LHX1: variants seen among roughly 807,000 people sequenced by gnomAD.
LHX1 encodes the protein LIM/homeobox protein Lhx1.
A neutral mutation model predicts 34.1 loss-of-function variants in LHX1; 9 were observed. The observed-to-expected ratio is 0.26, with a 90% CI of 0.16 to 0.46. The LOEUF (loss-of-function observed/expected upper bound fraction) is 0.46. Among genes scored for constraint, LHX1 ranks in the 20% least tolerant of loss-of-function variants. The pLI is 1.00. For synonymous variants in LHX1, 254 were observed against 241.5 expected (o/e 1.05, Z -0.48); for missense variants, 446 against 559.1 (o/e 0.80, Z 2.04).
chr17:36,938,489 C>T (rs1197458495), intron 1 of LHX1, 122 bp downstream of exon 1: 1 of 1,027,780 alleles, frequency 9.7e-7, no homozygotes, highest in Non-Finnish European at 1.5e-6. Flanking sequence ...AGAGGGCAGC[C>T]AAGTCCCGCG....
rs1468452334 is a variant in LHX1 at position 36,937,494 on chromosome 17, C to A, written c.-704C>A. The A allele has an allele frequency of 6.2e-6, 2 of 322,182 alleles. No individual in the cohort carries two copies. Among genetic ancestry groups the A allele is most frequent in the Non-Finnish European group, 1.2e-5 (2 of 164,372 alleles). 20.0% of individuals were successfully genotyped at this position (322,182 alleles called of 1,614,324 possible). A position where few individuals can be genotyped will look rare whatever the true frequency, so the allele number is the denominator to read the frequency against. On this transcript the variant is annotated 5_prime_UTR_variant, in exon 1 of 5. Coordinates refer to ENST00000614239, the MANE Select transcript of LHX1 (RefSeq NM_005568.5). Reference sequence around the variant, plus strand: ...TCAACACCAAGATCTTCCTCCTACCCTCCCCTCTTTCCCTTCTCCCGCGGT... The same window carrying A: ...TCAACACCAAGATCTTCCTCCTACCATCCCCTCTTTCCCTTCTCCCGCGGT...
At position 36,942,972 on chromosome 17, in the gene LHX1, G is replaced by C. The variant is rs1417421544; in HGVS notation, c.1062G>C (p.Ser354=). Residue 354 remains serine (S), a synonymous_variant, in exon 5 of 5, where the codon TCG becomes TCC. Coordinates refer to ENST00000614239, the MANE Select transcript of LHX1 (RefSeq NM_005568.5). ...TDILAHPPGD[S]PSPEPSLPGP... ...TCCTGGCGCACCCACCCGGGGACTCGCCCAGCCCCGAGCCCAGCCTGCCCG... is the reference window on the plus strand; with the variant it reads ...TCCTGGCGCACCCACCCGGGGACTCCCCCAGCCCCGAGCCCAGCCTGCCCG... The C allele has an allele frequency of 2.5e-6, 4 of 1,610,698 alleles. No homozygotes were observed. In the East Asian group the frequency reaches 8.9e-5, roughly 36 times the overall value.
intron 1 of LHX1, among the ~76,000 whole-genome samples, chr17:36,939,046 C>T (rs369259455): frequency 9.9e-5 from 15 of 152,220 alleles, no homozygotes; most frequent in African/African-American, 2.9e-4. Flanking sequence ...CCCCAGGTGA[C>T]TCCGACTCCC....
intron 3 of LHX1, chr17:36,941,104 G>A (rs1241331663): frequency 2.5e-6 from 2 of 784,664 alleles, no homozygotes; most frequent in African/African-American, 1.7e-5. Flanking sequence ...GGTGATCGTG[G>A]CAGTGGAGGG....
rs751113391 is a variant in LHX1 at position 36,942,261 on chromosome 17, C to G, written c.737C>G (p.Ala246Gly). ...RRMKQLSALGARRHAFFRSPR... is the reference protein window; with the variant it reads ...RRMKQLSALGGRRHAFFRSPR... Reference sequence around the variant, plus strand: ...ATGAAGCAGCTGAGCGCCCTGGGCGCCCGGCGCCACGCCTTCTTCCGCAGT... The same window carrying G: ...ATGAAGCAGCTGAGCGCCCTGGGCGGCCGGCGCCACGCCTTCTTCCGCAGT... The change falls in exon 4 of 5, where the codon GCC becomes GGC. Residue 246 changes from alanine to glycine, a missense_variant. Around this residue, in one of 3 missense-constraint regions of LHX1, gnomAD observed 43 missense variants for 108.0 expected, o/e 0.40. Transcript: ENST00000614239. The G allele has an allele frequency of 6.3e-7, 1 of 1,599,862 alleles. No individual in the cohort carries two copies. Among genetic ancestry groups the G allele is most frequent in the Non-Finnish European group, 8.5e-7 (1 of 1,175,202 alleles).
chr17:36,942,981 C>G lies in LHX1; in HGVS notation c.1071C>G (p.Pro357=), dbSNP rs770488670. 6.2e-7 allele frequency: 1 copy of G among 1,611,208 alleles called. No individual in the cohort carries two copies. The highest frequency in any genetic ancestry group is 1.1e-5 in the South Asian group (1 of 90,878). Residue 357 remains proline (P), a synonymous_variant, in exon 5 of 5, where the codon CCC becomes CCG. Coordinates refer to ENST00000614239, the MANE Select transcript of LHX1 (RefSeq NM_005568.5). ...ACCCACCCGGGGACTCGCCCAGCCC[C>G]GAGCCCAGCCTGCCCGGGCCTCTGC... ...LAHPPGDSPS[P]EPSLPGPLHS...
At chr17:36,941,207 C>A in intron 3 of LHX1, 1 of 633,280 alleles carries the variant, frequency 1.6e-6, no homozygotes, top group Non-Finnish European at 2.9e-6. Flanking sequence ...ATACCCCACC[C>A]CACCTCGGGT....
chr17:36,940,254 TCCCCGC>T (rs770207128), intron 1 of LHX1, 30 bp from the exon 2 acceptor site: 2 of 560,758 alleles, frequency 3.6e-6, no homozygotes, highest in Admixed American at 2.6e-5. Flanking sequence ...GGCTGACCCA[TCCCCGC>T]CCCCGCCCCC....
At position 36,943,683 on chromosome 17, in the gene LHX1, G is replaced by T. The variant is rs76334395; in HGVS notation, c.*552G>T. ...ATAGCTTCAGAAACGCCGACCTGCC[G>T]TGCATCAGGTGGGACTATATATATA... On this transcript the variant is annotated 3_prime_UTR_variant, in exon 5 of 5. Coordinates refer to ENST00000614239, the MANE Select transcript of LHX1 (RefSeq NM_005568.5). 1 of 152,312 alleles carries T rather than the reference G, an allele frequency of 6.6e-6. No homozygotes were observed. The highest frequency in any genetic ancestry group is 6.5e-5 in the Admixed American group (1 of 15,282). 9.4% of individuals were successfully genotyped at this position (152,312 alleles called of 1,614,324 possible).
chr17:36,941,393 G>T (rs894641331), intron 3 of LHX1: 4 of 340,074 alleles, frequency 1.2e-5, no homozygotes, highest in Non-Finnish European at 1.7e-5. Context: ...CCGGGAGTCA[G>T]CTCTGCTTCC....
At chr17:36,937,447 G>A (rs1460828734), upstream of LHX1, 2 of 320,066 alleles carry the variant, frequency 6.2e-6, no homozygotes, top group African/African-American at 4.5e-5. Flanking sequence ...CAAAAGCGGG[G>A]AAACCTAAGC....
In LHX1 at chr17:36,942,808, C is replaced by A. The variant is rs749211240; in HGVS notation, c.898C>A (p.Pro300Thr). The A allele has an allele frequency of 3.9e-6, 6 of 1,554,158 alleles. No homozygotes were observed. In the East Asian group the frequency reaches 6.9e-5, roughly 18 times the overall value. The change falls in exon 5 of 5, where the codon CCC (proline) becomes ACC (threonine). Residue 300 changes from proline to threonine, a missense_variant. Around this residue, in one of 3 missense-constraint regions of LHX1, gnomAD observed 235 missense variants for 224.4 expected, o/e 1.05. Transcript: ENST00000614239. Reference protein sequence around the residue: ...GGNYDFFPQGPPSSQAQTPVD... With the variant: ...GGNYDFFPQGTPSSQAQTPVD... The stretch of plus-strand genomic sequence containing the variant: ...CAACTACGACTTCTTCCCGCAAGGC[C>A]CCCCGTCCTCGCAGGCCCAGACACC...
Position 36,940,461 on chromosome 17 carries a change from C to T in LHX1, c.342C>T (p.Cys114=). Residue 114 remains cysteine, a synonymous_variant, in exon 2 of 5, where the codon TGC becomes TGT. Transcript: ENST00000614239. ...TCATCGACGAGAATAAGTTCGTCTG[C>T]AAAGAGGATTACCTAAGTAACAGCA... ...LYIIDENKFV[C]KEDYLSNSSV... is the part of the protein sequence containing the mutation. The T allele has an allele frequency of 1.2e-6, 2 of 1,614,122 alleles. No homozygotes were observed. The highest frequency in any genetic ancestry group is 1.3e-5 in the African/African-American group (1 of 75,068).
intron 1 of LHX1, 31 bp from the exon 2 acceptor site, chr17:36,940,259 G>GGCCCC: frequency 3.5e-6 from 1 of 288,514 alleles, no homozygotes; most frequent in Non-Finnish European, 6.3e-6. Context: ...ACCCATCCCC[G>GGCCCC]CCCCCGCCCC....
At chr17:36,942,705 C>T in intron 4 of LHX1, 47 bp from the exon 5 acceptor site, 4 of 1,442,476 alleles carry the variant, frequency 2.8e-6, no homozygotes, top group African/African-American at 1.5e-5. Context: ...GTCCCGCCGG[C>T]CCCCGGCCGG....
intron 3 of LHX1, 135 bp downstream of exon 3, chr17:36,941,022 C>T (rs903624118): frequency 2.7e-5 from 36 of 1,356,668 alleles, no homozygotes; most frequent in Non-Finnish European, 3.5e-5. Context: ...TAGACACATC[C>T]CGAGCCTGCG....
rs759116419 is a variant in LHX1 at position 36,942,924 on chromosome 17, C to A, written c.1014C>A (p.Ser338Arg). 3.1e-6 allele frequency: 5 copies of A among 1,603,800 alleles called. No homozygotes were observed. In the South Asian group the frequency reaches 5.6e-5, roughly 18 times the overall value. Reference sequence around the variant, plus strand: ...CGCTGCCGGGCCACCACCCGTCGAGCGAGGCGCAGCGGTTTACCGACATCC... The same window carrying A: ...CGCTGCCGGGCCACCACCCGTCGAGAGAGGCGCAGCGGTTTACCGACATCC... ...EHPLPGHHPSSEAQRFTDILA... is the reference protein window; with the variant it reads ...EHPLPGHHPSREAQRFTDILA... Residue 338 changes from serine (S) to arginine (R), a missense_variant, in exon 5 of 5, where the codon AGC becomes AGA. Around this residue, in one of 3 missense-constraint regions of LHX1, gnomAD observed 235 missense variants for 224.4 expected, o/e 1.05. Transcript: ENST00000614239.
Position 36,943,018 on chromosome 17 carries a change from G to A in LHX1, c.1108G>A (p.Ala370Thr), listed in dbSNP as rs1188788557. The A allele has an allele frequency of 6.2e-7, 1 of 1,609,990 alleles. No individual in the cohort carries two copies. Among genetic ancestry groups the A allele is most frequent in the East Asian group, 2.2e-5 (1 of 44,718 alleles). ...GCCCGGGCCTCTGCACTCCATGTCGGCCGAGGTCTTCGGACCCAGCCCGCC... is the reference window on the plus strand; with the variant it reads ...GCCCGGGCCTCTGCACTCCATGTCGACCGAGGTCTTCGGACCCAGCCCGCC... ...SLPGPLHSMS[A>T]EVFGPSPPFS... Residue 370 changes from alanine (A) to threonine (T), a missense_variant, in exon 5 of 5, where the codon GCC becomes ACC. Coordinates refer to ENST00000614239, the MANE Select transcript of LHX1 (RefSeq NM_005568.5).
rs1230276415 is a variant in LHX1, at chr17:36,943,650, A to G, written c.*519A>G. ...CTCAGAGTTCAACAACAGCGACAAA[A>G]AACTCTTATAGCTTCAGAAACGCCG... On this transcript the variant is annotated 3_prime_UTR_variant, in exon 5 of 5. Coordinates refer to ENST00000614239, the MANE Select transcript of LHX1 (RefSeq NM_005568.5). 2.6e-5 allele frequency: 4 copies of G among 152,596 alleles called. No homozygotes were observed. The allele number at this position is 152,596 out of a possible 1,614,324, so 9.5% of individuals were successfully genotyped here. A position where few individuals can be genotyped will look rare whatever the true frequency, so the allele number is the denominator to read the frequency against.
Sources: allele counts gnomAD v4.1 joint callset (sites outside exome capture counted in the v4.1 genomes callset), GRCh38; gene constraint gnomAD v4.1.1; regional missense constraint gnomAD v4.1.1; transcripts MANE v1.5; gene names NCBI Gene and HGNC (gene_info 2026-07-23, HGNC 2026-07-21).